ICA1: variants seen among roughly 807,000 people sequenced by gnomAD.
ICA1 encodes the protein 69 kDa islet cell autoantigen.
A neutral mutation model predicts 71.0 loss-of-function variants in ICA1; 40 were observed. The ratio of observed to expected loss-of-function variants is 0.56; its 90% CI spans 0.44 to 0.73. The LOEUF is 0.73. ICA1 is among the 30% of genes least tolerant of loss of function. The probability of loss-of-function intolerance (pLI) is 0.00; values close to 1 mark genes in which losing one functional copy is unlikely to be tolerated. For missense variants in ICA1, 578 were observed against 576.5 expected, an observed-to-expected ratio of 1.00 and a Z score of -0.03; for synonymous variants, 207 against 209.5, an observed-to-expected ratio of 0.99 and a Z score of 0.10.
intron 1 of ICA1, among the ~76,000 whole-genome samples, chr7:8,237,210 G>A (rs1270658459): frequency 2.0e-5 from 3 of 152,032 alleles, no homozygotes; most frequent in African/African-American, 7.2e-5. Context: ...GACATTCAGG[G>A]TAAGTAAGTA....
In ICA1 at chr7:8,141,825, T is replaced by TA; in HGVS notation, c.903-9dup. On this transcript the variant is annotated splice_polypyrimidine_tract_variant and intron_variant, in intron 9 of 13. Transcript: ENST00000402384. ...TCCTCTAATGAAATTAATCTTAAAATAAAAAAGAGGTTTAGTCATCAACTT... is the reference window on the plus strand; with the variant it reads ...TCCTCTAATGAAATTAATCTTAAAATAAAAAAAGAGGTTTAGTCATCAACTT... 6.4e-7 allele frequency: 1 copy of TA among 1,552,388 alleles called. No homozygotes were observed.
intron 6 of ICA1, among the ~76,000 whole-genome samples, chr7:8,194,748 T>C (rs1460700153): frequency 6.6e-6 from 1 of 152,210 alleles, no homozygotes; most frequent in East Asian, 1.9e-4. Flanking sequence ...TATTGGGCTA[T>C]TGTCGTCACT....
chr7:8,139,002 G>A lies in ICA1; in HGVS notation c.1001C>T (p.Thr334Ile). Residue 334 changes from threonine (T) to isoleucine (I), a missense_variant, in exon 11 of 14, where the codon ACA becomes ATA. Coordinates refer to ENST00000402384, the MANE Select transcript of ICA1 (RefSeq NM_001136020.3). Reference protein sequence around the residue: ...SILSALDKGSTHTACSGPIDE... With the variant: ...SILSALDKGSIHTACSGPIDE... Reference sequence around the variant, plus strand: ...TAGGTTACCTGAGCATGCAGTATGTGTAGAGCCTTTGTCTAAGGCAGATAA... The same window carrying A: ...TAGGTTACCTGAGCATGCAGTATGTATAGAGCCTTTGTCTAAGGCAGATAA... 1 of 1,613,294 alleles carries A rather than the reference G, an allele frequency of 6.2e-7. No homozygotes were observed. Among genetic ancestry groups the A allele is most frequent in the Non-Finnish European group, 8.5e-7 (1 of 1,179,276 alleles).
intron 6 of ICA1, among the ~76,000 whole-genome samples, chr7:8,206,174 T>A (rs1791473443): frequency 6.6e-6 from 1 of 152,222 alleles, no homozygotes; most frequent in Admixed American, 6.5e-5. Flanking sequence ...TTCTTGAAGT[T>A]CTCCTAGAAC....
intron 5 of ICA1, among the ~76,000 whole-genome samples, chr7:8,220,566 G>C (rs902674044): frequency 6.6e-6 from 1 of 152,104 alleles, no homozygotes; most frequent in Non-Finnish European, 1.5e-5. Flanking sequence ...GAGGAGGAGT[G>C]TCACTTTTCT....
chr7:8,256,335 A>G (rs1184005897), intron 1 of ICA1, among the ~76,000 whole-genome samples: 1 of 152,072 alleles, frequency 6.6e-6, no homozygotes, highest in Non-Finnish European at 1.5e-5. Context: ...TTGAAAAAAC[A>G]CAGGCCCCTT....
chr7:8,114,326 C>CT (rs1440145217), intron 13 of ICA1, among the ~76,000 whole-genome samples: 2 of 152,186 alleles, frequency 1.3e-5, no homozygotes, highest in Non-Finnish European at 2.9e-5. Context: ...CCATGAAAAG[C>CT]TGATCAAACC....
At chr7:8,164,537 C>T (rs1340641986) in intron 6 of ICA1, among the ~76,000 whole-genome samples, 1 of 152,084 alleles carries the variant, frequency 6.6e-6, no homozygotes, top group Non-Finnish European at 1.5e-5. Context: ...TTTCCACCAG[C>T]CAGTTCTACT....
At chr7:8,184,520 T>C (rs1338842392) in intron 6 of ICA1, among the ~76,000 whole-genome samples, 1 of 152,198 alleles carries the variant, frequency 6.6e-6, no homozygotes, top group Non-Finnish European at 1.5e-5. Flanking sequence ...GCTCTAACCA[T>C]GCTCCTCAGG....
chr7:8,134,873 C>T (rs1399484709), intron 12 of ICA1, among the ~76,000 whole-genome samples: 1 of 151,960 alleles, frequency 6.6e-6, no homozygotes, highest in Non-Finnish European at 1.5e-5. Flanking sequence ...ACCAACAGCA[C>T]TGGACCCTGA....
At chr7:8,131,183 T>G (rs1024340828) in intron 12 of ICA1, among the ~76,000 whole-genome samples, 1 of 152,174 alleles carries the variant, frequency 6.6e-6, no homozygotes, top group Non-Finnish European at 1.5e-5. Context: ...AGTCAACACA[T>G]AGAGGGAAAC....
At chr7:8,162,020 G>A (rs1403703934) in intron 6 of ICA1, among the ~76,000 whole-genome samples, 1 of 152,178 alleles carries the variant, frequency 6.6e-6, no homozygotes, top group Non-Finnish European at 1.5e-5. Context: ...TAAGGTATTC[G>A]TAAGGCTGGC....
At chr7:8,167,839 C>T (rs1386672988) in intron 6 of ICA1, among the ~76,000 whole-genome samples, 1 of 152,128 alleles carries the variant, frequency 6.6e-6, no homozygotes, top group African/African-American at 2.4e-5. Flanking sequence ...CTGGGTGAAT[C>T]AGAGCCCTTC....
intron 6 of ICA1, among the ~76,000 whole-genome samples, chr7:8,214,122 C>G (rs1033923890): frequency 2.6e-5 from 4 of 152,186 alleles, no homozygotes; most frequent in African/African-American, 9.7e-5. Flanking sequence ...TATACTATCT[C>G]TTTAGAGGAT....
rs143767095 is a variant in ICA1 at position 8,143,033 on chromosome 7, G to A, written c.902+842C>T. Among the ~76,000 whole-genome samples the A allele has an allele frequency of 1.6e-4, 25 of 152,328 alleles. No individual in the cohort carries two copies. In the East Asian group the frequency reaches 4.6e-3, roughly 28 times the overall value. ...AGAAATACAATAAAAGTATAAGCCT[G>A]TTTTACGATAAGACTGTCATCTAAA... On this transcript the variant is annotated intron_variant, in intron 9 of 13. Coordinates refer to ENST00000402384, the MANE Select transcript of ICA1 (RefSeq NM_001136020.3).
chr7:8,122,877 T>C (rs1787561812), intron 13 of ICA1, among the ~76,000 whole-genome samples: 2 of 152,230 alleles, frequency 1.3e-5, no homozygotes, highest in African/African-American at 2.4e-5. Flanking sequence ...TTAAAAGATG[T>C]CCTGATGCAT....
chr7:8,134,739 T>C (rs1792756971), intron 12 of ICA1, among the ~76,000 whole-genome samples: 1 of 152,116 alleles, frequency 6.6e-6, no homozygotes, highest in Admixed American at 6.5e-5. Context: ...TGTTTGGAAC[T>C]CAAGAACACT....
rs371492455 is a variant in ICA1, at chr7:8,218,359, G to A, written c.525C>T (p.Asp175=). 1.1e-4 allele frequency: 183 copies of A among 1,614,062 alleles called. No homozygotes were observed. Among genetic ancestry groups the A allele is most frequent in the African/African-American group, 3.7e-4 (28 of 75,020 alleles). Residue 175 remains aspartate, a synonymous_variant, in exon 6 of 14, where the codon GAC becomes GAT. Coordinates refer to ENST00000402384, the MANE Select transcript of ICA1 (RefSeq NM_001136020.3). ...GGTCTGGATCAAGCTCCTGAGACAC[G>A]TCCTTCATCCATAATAGTGCTCCTC... The part of the protein sequence containing the change: ...EYRGALLWMK[D]VSQELDPDLY...
chr7:8,172,834 T>C (rs1808880334), intron 6 of ICA1, among the ~76,000 whole-genome samples: 1 of 152,202 alleles, frequency 6.6e-6, no homozygotes, highest in African/African-American at 2.4e-5. Flanking sequence ...TCACTGGCAG[T>C]ATTACTGTGC....
Sources: allele counts gnomAD v4.1 joint callset (sites outside exome capture counted in the v4.1 genomes callset), GRCh38; gene constraint gnomAD v4.1.1; transcripts MANE v1.5; gene names NCBI Gene and HGNC (gene_info 2026-07-23, HGNC 2026-07-21).